The following ANKRD13C variants were observed in gnomAD, a reference collection of about 807,000 sequenced individuals.
ANKRD13C encodes the protein ankyrin repeat domain 13C.
Under a neutral mutation model 65.5 loss-of-function variants are expected in ANKRD13C, and 16 were observed. The observed-to-expected ratio is 0.24, with a 90% CI of 0.17 to 0.37. ANKRD13C has a LOEUF of 0.37. Ranked by LOEUF, ANKRD13C falls within the 10% of genes least tolerant of loss-of-function variation. The pLI, the probability that ANKRD13C is intolerant of heterozygous loss-of-function variation, is 1.00. For synonymous variants in ANKRD13C, 235 were observed against 238.7 expected, an observed-to-expected ratio of 0.98 and a Z score of 0.14; for missense variants, 503 against 655.9, an observed-to-expected ratio of 0.77 and a Z score of 2.55.
At chr1:70,265,824 CAAAAAAAAAAAAAAA>C (rs775757290) in intron 12 of ANKRD13C, among the ~76,000 whole-genome samples, 2 of 35,442 alleles carry the variant, frequency 5.6e-5, no homozygotes, top group Non-Finnish European at 1.0e-4. Context: ...GACCTTGCCT[CAAAAAAAAAAAAAAA>C]AAAAAAAAAA....
At position 70,270,871 on chromosome 1, in the gene ANKRD13C, A is replaced by G; in HGVS notation, c.1480T>C (p.Phe494Leu). Residue 494 changes from phenylalanine to leucine, a missense_variant, in exon 12 of 13, where the codon TTT becomes CTT. Coordinates refer to ENST00000370944, the MANE Select transcript of ANKRD13C (RefSeq NM_030816.5). Reference sequence around the variant, plus strand: ...TTTCTCTTACCTAATTTTACAGGAAAGCCTGGAGGAAGCTTCATCTGAACA... The same window carrying G: ...TTTCTCTTACCTAATTTTACAGGAAGGCCTGGAGGAAGCTTCATCTGAACA... ...EFVQMKLPPG[F>L]PVKLDIPVFP... 6.2e-7 allele frequency: 1 copy of G among 1,609,660 alleles called. No homozygotes were observed. The highest frequency in any genetic ancestry group is 2.2e-5 in the East Asian group (1 of 44,800).
At chr1:70,310,465 T>C (rs892930874) in intron 5 of ANKRD13C, among the ~76,000 whole-genome samples, 1 of 152,190 alleles carries the variant, frequency 6.6e-6, no homozygotes, top group Admixed American at 6.5e-5. Flanking sequence ...TTATTAGCAA[T>C]GAAACAGATG....
chr1:70,325,027 A>T (rs527484668), intron 2 of ANKRD13C, 70 bp from the exon 3 acceptor site: 1 of 1,039,352 alleles, frequency 9.6e-7, no homozygotes, highest in East Asian at 2.7e-5. Flanking sequence ...AAATATATAA[A>T]AGTTTAATAA....
intron 8 of ANKRD13C, 39 bp from the exon 9 acceptor site, chr1:70,292,588 G>A (rs769016661): frequency 1.4e-6 from 2 of 1,452,056 alleles, no homozygotes; most frequent in Non-Finnish European, 9.4e-7. Context: ...AAATTTTTAG[G>A]TTAAAAAAAG....
rs149025404 is a variant in ANKRD13C at position 70,354,051 on chromosome 1, C to T, written c.358G>A (p.Val120Ile). Residue 120 changes from valine (V) to isoleucine (I), a missense_variant, in exon 1 of 13, where the codon GTC becomes ATC. By Grantham distance (29) the Val-to-Ile change is conservative. Around this residue, in one of 2 missense-constraint regions of ANKRD13C, gnomAD observed 203 missense variants for 177.6 expected, o/e 1.14. Coordinates refer to ENST00000370944, the MANE Select transcript of ANKRD13C (RefSeq NM_030816.5). ...CPAHYPVHEC[V>I]FKGDVRRLSS... ...AGTCTCCTCACATCCCCCTTGAAGA[C>T]GCACTCGTGCACCGGGTAGTGTGCG... 2.6e-5 allele frequency: 42 copies of T among 1,592,212 alleles called. No individual in the cohort carries two copies. The African/African-American group carries it at 4.7e-4, about 18-fold the overall frequency.
chr1:70,282,037 A>C (rs1033038892), intron 9 of ANKRD13C, among the ~76,000 whole-genome samples: 1 of 151,414 alleles, frequency 6.6e-6, no homozygotes, highest in African/African-American at 2.4e-5. Flanking sequence ...CTGGAATATG[A>C]AACTGGTACA....
At chr1:70,271,562 ATAAAT>A (rs1354215335) in intron 11 of ANKRD13C, among the ~76,000 whole-genome samples, 3 of 152,200 alleles carry the variant, frequency 2.0e-5, no homozygotes, top group African/African-American at 4.8e-5. Flanking sequence ...GCCTCCATAC[ATAAAT>A]TAAAGTTAGA....
chr1:70,349,073 A>C (rs1176500486), intron 1 of ANKRD13C, among the ~76,000 whole-genome samples: 1 of 152,202 alleles, frequency 6.6e-6, no homozygotes, highest in Non-Finnish European at 1.5e-5. Flanking sequence ...AAGTCTAACC[A>C]ATCAGAAGTA....
chr1:70,265,001 G>C (rs539469607), intron 12 of ANKRD13C, among the ~76,000 whole-genome samples: 1 of 152,210 alleles, frequency 6.6e-6, no homozygotes, highest in South Asian at 2.1e-4. Flanking sequence ...GTTTAATCTC[G>C]GAACAGCCAG....
At chr1:70,295,826 A>T (rs1191768187) in intron 8 of ANKRD13C, among the ~76,000 whole-genome samples, 1 of 152,232 alleles carries the variant, frequency 6.6e-6, no homozygotes, top group East Asian at 1.9e-4. Context: ...CTTATCGAAT[A>T]AAGCACTAGA....
intron 8 of ANKRD13C, among the ~76,000 whole-genome samples, chr1:70,295,686 T>C (rs981278046): frequency 1.3e-5 from 2 of 151,942 alleles, no homozygotes; most frequent in Non-Finnish European, 2.9e-5. Flanking sequence ...GTTGCAGAAA[T>C]GTAAGGTTAT....
At chr1:70,344,205 C>T (rs1212932935) in intron 1 of ANKRD13C, among the ~76,000 whole-genome samples, 3 of 149,084 alleles carry the variant, frequency 2.0e-5, no homozygotes, top group Admixed American at 1.4e-4. Flanking sequence ...GGCTGAGACA[C>T]GAGAATTGCT....
intron 9 of ANKRD13C, among the ~76,000 whole-genome samples, chr1:70,277,351 A>C (rs1679185722): frequency 6.6e-6 from 1 of 151,748 alleles, no homozygotes; most frequent in Non-Finnish European, 1.5e-5. Context: ...CCAGCTACTC[A>C]GGAGGCTGAG....
chr1:70,354,187 G>C lies in ANKRD13C; in HGVS notation c.222C>G (p.Gly74=). The C allele has an allele frequency of 6.2e-7, 1 of 1,613,872 alleles. No individual in the cohort carries two copies. Among genetic ancestry groups the C allele is most frequent in the Non-Finnish European group, 8.5e-7 (1 of 1,180,022 alleles). Reference sequence around the variant, plus strand: ...AATTGTGCAGCGGCAGAGCCGGGGCGCCGGGGGGATTGGAGGAGGCCGGAG... The same window carrying C: ...AATTGTGCAGCGGCAGAGCCGGGGCCCCGGGGGGATTGGAGGAGGCCGGAG... ...KAAPASSNPP[G]APALPLHNSS... Residue 74 remains glycine (G), a synonymous_variant, in exon 1 of 13, where the codon GGC becomes GGG. Transcript: ENST00000370944.
intron 1 of ANKRD13C, among the ~76,000 whole-genome samples, chr1:70,345,089 C>T (rs946406760): frequency 6.6e-6 from 1 of 151,998 alleles, no homozygotes; most frequent in Admixed American, 6.6e-5. Flanking sequence ...TTTTAATAAC[C>T]TTTTCTGATA....
intron 6 of ANKRD13C, 78 bp downstream of exon 6, chr1:70,306,146 A>G: frequency 1.0e-6 from 1 of 988,474 alleles, no homozygotes; most frequent in South Asian, 1.9e-5. Context: ...AAACACATGT[A>G]AGTTATGATT....
At chr1:70,338,279 C>T (rs1030927158) in intron 1 of ANKRD13C, among the ~76,000 whole-genome samples, 3 of 152,176 alleles carry the variant, frequency 2.0e-5, no homozygotes, top group East Asian at 1.9e-4. Context: ...ATCCAAAGGA[C>T]GAATAAAGTT....
intron 3 of ANKRD13C, among the ~76,000 whole-genome samples, chr1:70,319,104 C>G (rs1681196738): frequency 1.3e-5 from 2 of 152,186 alleles, no homozygotes; most frequent in Admixed American, 1.3e-4. Context: ...GCCTCCCTGA[C>G]TCCGCTGTAT....
intron 1 of ANKRD13C, among the ~76,000 whole-genome samples, chr1:70,336,308 A>G (rs900066345): frequency 6.6e-5 from 10 of 152,122 alleles, no homozygotes; most frequent in Non-Finnish European, 2.9e-5. Flanking sequence ...CCCCTCCAAA[A>G]AAAAGGATAT....
Sources: gnomAD v4.1 joint callset for allele counts (sites outside exome capture counted in the v4.1 genomes callset) on GRCh38, gnomAD v4.1.1 for gene constraint, gnomAD v4.1.1 regional missense constraint, MANE v1.5 for transcripts, NCBI Gene and HGNC (gene_info 2026-07-23, HGNC 2026-07-21) for gene names.